Variants in RSU1 observed in about 807,000 individuals in gnomAD.
RSU1 encodes rsu-1.
Under a neutral mutation model 31.1 loss-of-function variants are expected in RSU1, and 26 were observed. The observed-to-expected ratio is 0.84, with a 90% CI of 0.61 to 1.16. The LOEUF (loss-of-function observed/expected upper bound fraction) is 1.16, where lower values mean the gene tolerates loss of function less well. RSU1 is among the 50% of genes most tolerant of loss of function. RSU1 has a pLI of 0.00. For synonymous variants in RSU1, 164 were observed against 136.3 expected, an observed-to-expected ratio of 1.20 and a Z score of -1.41; for missense variants, 320 against 339.1, an observed-to-expected ratio of 0.94 and a Z score of 0.44.
chr10:16,605,005 G>A (rs1248605055), intron 8 of RSU1, among the ~76,000 whole-genome samples: 1 of 152,236 alleles, frequency 6.6e-6, no homozygotes, highest in Non-Finnish European at 1.5e-5. Context: ...GGAGAAGCCA[G>A]CAGACAAAGC....
intron 8 of RSU1, among the ~76,000 whole-genome samples, chr10:16,636,609 A>G (rs943870148): frequency 6.6e-6 from 1 of 151,800 alleles, no homozygotes; most frequent in African/African-American, 2.4e-5. Context: ...TTTGCTTAAA[A>G]CCCACCCAGG....
chr10:16,732,002 G>A (rs1836521189), intron 7 of RSU1, among the ~76,000 whole-genome samples: 1 of 152,068 alleles, frequency 6.6e-6, no homozygotes, highest in Admixed American at 6.5e-5. Context: ...AGGGGCCAAT[G>A]GACTTATAAA....
At chr10:16,670,822 C>A (rs758977464) in intron 8 of RSU1, among the ~76,000 whole-genome samples, 2 of 152,022 alleles carry the variant, frequency 1.3e-5, no homozygotes, top group African/African-American at 4.8e-5. Context: ...TGGAGTCCAA[C>A]GGCACAATCT....
At chr10:16,642,189 T>C (rs1834453858) in intron 8 of RSU1, among the ~76,000 whole-genome samples, 1 of 151,788 alleles carries the variant, frequency 6.6e-6, no homozygotes, top group Non-Finnish European at 1.5e-5. Context: ...CCACTTTCTC[T>C]GTAATAACGT....
At chr10:16,736,538 G>A (rs1836631515) in intron 7 of RSU1, among the ~76,000 whole-genome samples, 1 of 152,082 alleles carries the variant, frequency 6.6e-6, no homozygotes, top group South Asian at 2.1e-4. Context: ...CGACCTGCTA[G>A]AATGAAACCC....
intron 4 of RSU1, among the ~76,000 whole-genome samples, chr10:16,762,029 C>T (rs1837219990): frequency 1.3e-5 from 2 of 152,072 alleles, no homozygotes; most frequent in Admixed American, 6.6e-5. Flanking sequence ...TGCTGTTCCC[C>T]CTGTTGGTCC....
At chr10:16,690,649 C>A (rs61842311) in intron 8 of RSU1, among the ~76,000 whole-genome samples, 2,800 of 152,244 alleles carry the variant, frequency 0.018, 52 homozygotes, top group Non-Finnish European at 0.026. Context: ...TCCATTAGAG[C>A]CTATAAATCA....
intron 8 of RSU1, among the ~76,000 whole-genome samples, chr10:16,690,855 T>C (rs961079764): frequency 6.6e-6 from 1 of 151,962 alleles, no homozygotes; most frequent in Non-Finnish European, 1.5e-5. Context: ...GAGGAGGAGG[T>C]TCATAGGCGT....
At chr10:16,694,327 T>C (rs1432238159) in intron 8 of RSU1, among the ~76,000 whole-genome samples, 1 of 152,206 alleles carries the variant, frequency 6.6e-6, no homozygotes, top group African/African-American at 2.4e-5. Context: ...AATGACGCAT[T>C]GCTAGTACTC....
chr10:16,789,723 T>C (rs1305499971), intron 2 of RSU1, among the ~76,000 whole-genome samples: 1 of 152,198 alleles, frequency 6.6e-6, no homozygotes, highest in South Asian at 2.1e-4. Flanking sequence ...CCTGGTAGAT[T>C]TTCTGCTGTG....
intron 2 of RSU1, among the ~76,000 whole-genome samples, chr10:16,804,107 A>C (rs1451831752): frequency 2.0e-5 from 3 of 152,242 alleles, no homozygotes; most frequent in Non-Finnish European, 4.4e-5. Context: ...CAAAATATAA[A>C]AAAAAGACTT....
At chr10:16,645,846 G>A (rs72782555) in intron 8 of RSU1, among the ~76,000 whole-genome samples, 1 of 101,700 alleles carries the variant, frequency 9.8e-6, no homozygotes, top group African/African-American at 3.3e-5. Context: ...TGTCTAGAAG[G>A]TTTTAAAATA....
rs1190102653 is a variant in RSU1, at chr10:16,593,326, C to T, written c.*68G>A. 2 of 1,603,416 alleles carry T rather than the reference C, an allele frequency of 1.2e-6. No individual in the cohort carries two copies. Among genetic ancestry groups the T allele is most frequent in the African/African-American group, 1.3e-5 (1 of 74,478 alleles). On this transcript the variant is annotated 3_prime_UTR_variant, in exon 9 of 9. Coordinates refer to ENST00000345264, the MANE Select transcript of RSU1 (RefSeq NM_012425.4). ...CGCAGCATTGGGTTTATTTGAGAGA[C>T]AGGGCAAGAGAGAATGAAGTGTTGG...
chr10:16,666,819 C>T (rs1276423685), intron 8 of RSU1, among the ~76,000 whole-genome samples: 1 of 151,940 alleles, frequency 6.6e-6, no homozygotes, highest in East Asian at 1.9e-4. Context: ...GAAACCTCAT[C>T]TTTATATAAA....
At chr10:16,697,227 T>C (rs900812355) in intron 7 of RSU1, among the ~76,000 whole-genome samples, 2 of 152,198 alleles carry the variant, frequency 1.3e-5, no homozygotes, top group African/African-American at 4.8e-5. Flanking sequence ...TGCAGCTCAA[T>C]ATATCTCTCT....
intron 8 of RSU1, among the ~76,000 whole-genome samples, chr10:16,647,793 C>T (rs1213255667): frequency 6.6e-6 from 1 of 152,054 alleles, no homozygotes; most frequent in Non-Finnish European, 1.5e-5. Context: ...CTGAAGTGCA[C>T]ATTTTGAATG....
chr10:16,739,752 C>T (rs1020983013), intron 7 of RSU1, among the ~76,000 whole-genome samples: 5 of 152,242 alleles, frequency 3.3e-5, no homozygotes, highest in African/African-American at 1.2e-4. Context: ...GCTGGGATCA[C>T]AGGTGTGCAC....
At chr10:16,598,031 G>T (rs906840975) in intron 8 of RSU1, among the ~76,000 whole-genome samples, 1 of 152,242 alleles carries the variant, frequency 6.6e-6, no homozygotes, top group Non-Finnish European at 1.5e-5. Context: ...GGCTCTGCCA[G>T]TTACGAGCCA....
rs1276672070 is a variant in RSU1 at position 16,747,671 on chromosome 10, C to G, written c.598+4868G>C. Among the ~76,000 whole-genome samples the G allele has an allele frequency of 2.6e-5, 4 of 152,226 alleles. No homozygotes were observed. In the East Asian group the frequency reaches 7.7e-4, roughly 29 times the overall value. ...ATGATAGTCTCCTATCTCTCAGACT[C>G]TCCACTTCCACCCTTGCCCTCTGCC... On this transcript the variant is annotated intron_variant, in intron 7 of 8. Transcript: ENST00000345264.
Sources: gnomAD v4.1 joint callset for allele counts (sites outside exome capture counted in the v4.1 genomes callset) on GRCh38, gnomAD v4.1.1 for gene constraint, MANE v1.5 for transcripts, NCBI Gene and HGNC (gene_info 2026-07-23, HGNC 2026-07-21) for gene names.